The following AKAP6 variants were observed in gnomAD, a reference collection of about 807,000 sequenced individuals.
AKAP6 encodes A-kinase anchoring protein 6.
In AKAP6, 58 loss-of-function variants were observed where a neutral mutation model predicts 188.5. That is an observed-to-expected ratio of 0.31 (90% CI 0.25 to 0.38). The LOEUF is 0.38. Among genes scored for constraint, AKAP6 ranks in the 10% least tolerant of loss-of-function variants. The pLI is 1.00. For synonymous variants in AKAP6, 989 were observed against 998.6 expected, an observed-to-expected ratio of 0.99 and a Z score of 0.18; for missense variants, 2,710 against 2,740.0, an observed-to-expected ratio of 0.99 and a Z score of 0.24.
At chr14:32,757,744 C>T (rs1367397566) in intron 11 of AKAP6, among the ~76,000 whole-genome samples, 13 of 152,182 alleles carry the variant, frequency 8.5e-5, no homozygotes. Context: ...GACAGTGAAA[C>T]ATGCAAGTTG....
rs1236562557 is a variant in AKAP6 at position 32,831,944 on chromosome 14, C to T, written c.*2139C>T. On this transcript the variant is annotated 3_prime_UTR_variant, in exon 14 of 14. Transcript: ENST00000280979. ...ACCTGATTTTATTTATCATTAGTGC[C>T]ACGCCAAGATCATTTAGACGATGCT... The T allele has an allele frequency of 6.6e-6, 1 of 152,110 alleles. No homozygotes were observed. The highest frequency in any genetic ancestry group is 1.5e-5 in the Non-Finnish European group (1 of 68,032). 9.4% of individuals were successfully genotyped at this position (152,110 alleles called of 1,614,324 possible).
intron 7 of AKAP6, among the ~76,000 whole-genome samples, chr14:32,608,016 G>T (rs1267536151): frequency 6.6e-6 from 1 of 152,008 alleles, no homozygotes; most frequent in East Asian, 1.9e-4. Context: ...GTTTGTTATC[G>T]AATCCAATAG....
intron 7 of AKAP6, among the ~76,000 whole-genome samples, chr14:32,660,925 C>CA (rs1491272831): frequency 2.5e-5 from 1 of 39,432 alleles, no homozygotes; most frequent in Non-Finnish European, 4.4e-5. Flanking sequence ...TTCCCCGCCA[C>CA]CCCCCCCCCT....
intron 12 of AKAP6, among the ~76,000 whole-genome samples, chr14:32,790,534 C>T (rs190086853): frequency 3.2e-4 from 48 of 152,250 alleles, no homozygotes; most frequent in African/African-American, 1.1e-3. Flanking sequence ...TCAACAGAAA[C>T]CCTACAAGTC....
intron 11 of AKAP6, among the ~76,000 whole-genome samples, chr14:32,763,976 T>C (rs1328618317): frequency 6.6e-6 from 1 of 152,200 alleles, no homozygotes; most frequent in Non-Finnish European, 1.5e-5. Context: ...TTTGCAACAT[T>C]TATATGCAAG....
chr14:32,511,440 A>G (rs1422137734), intron 2 of AKAP6, among the ~76,000 whole-genome samples: 2 of 138,544 alleles, frequency 1.4e-5, no homozygotes, highest in South Asian at 2.3e-4. Context: ...GCAGTGGTGG[A>G]TCTCAGCTCA....
Position 32,492,355 on chromosome 14 carries a change from T to TATATATATATATATATAGAG in AKAP6, c.325-43198_325-43197insTATATATATATATATAGAGA. Among the ~76,000 whole-genome samples, 526 of 82,534 alleles carry TATATATATATATATATAGAG rather than the reference T, an allele frequency of 6.4e-3. 9 individuals are homozygous for TATATATATATATATATAGAG. Among genetic ancestry groups the TATATATATATATATATAGAG allele is most frequent in the East Asian group, 9.8e-3 (15 of 1,526 alleles). The allele number at this position is 82,534 out of a possible 152,430, so 54.1% of individuals were successfully genotyped here. ...ACATTGTAATATATATATATATATATAGAGAGAGAGAGAGAGAGAGAGAGA... is the reference window on the plus strand; with the variant it reads ...ACATTGTAATATATATATATATATATATATATATATATATATAGAGAGAGAGAGAGAGAGAGAGAGAGAGA... On this transcript the variant is annotated intron_variant, in intron 2 of 13. Transcript: ENST00000280979.
chr14:32,420,602 G>C (rs1889809078), intron 1 of AKAP6, among the ~76,000 whole-genome samples: 2 of 152,040 alleles, frequency 1.3e-5, no homozygotes, highest in Non-Finnish European at 1.5e-5. Flanking sequence ...TTTATCTCCA[G>C]TTCAACCCCC....
At position 32,724,990 on chromosome 14, in the gene AKAP6, T is replaced by TAAAAAAGAAA. The variant is rs2030771324; in HGVS notation, c.3001-7458_3001-7457insGAAAAAAAAA. Among the ~76,000 whole-genome samples the TAAAAAAGAAA allele has an allele frequency of 8.6e-5, 3 of 34,900 alleles. No individual in the cohort carries two copies. In the East Asian group the frequency reaches 2.4e-3, roughly 28 times the overall value. 22.9% of individuals were successfully genotyped at this position (34,900 alleles called of 152,430 possible). On this transcript the variant is annotated intron_variant, in intron 9 of 13. Coordinates refer to ENST00000280979, the MANE Select transcript of AKAP6 (RefSeq NM_004274.5). Reference sequence around the variant, plus strand: ...GGCTTTGTGTCATTTATATTCAACCTAAAAAAAAAAAAAAAAAAAAAAAAA... The same window carrying TAAAAAAGAAA: ...GGCTTTGTGTCATTTATATTCAACCTAAAAAAGAAAAAAAAAAAAAAAAAAAAAAAAAAAA...
At position 32,822,920 on chromosome 14, in the gene AKAP6, G is replaced by A. The variant is rs2034569663; in HGVS notation, c.5107G>A (p.Asp1703Asn). ...TGACGAGCTCTCTCTTTGCTCAGAG[G>A]ATATTGTGTTACACAAGAACAAGAT... is the stretch of plus-strand genomic sequence containing the variant. ...SSDELSLCSE[D>N]IVLHKNKIPE... Residue 1703 changes from aspartate to asparagine, a missense_variant, in exon 13 of 14, where the codon GAT (aspartate) becomes AAT (asparagine). This residue lies in a region of AKAP6 where 2,473 missense variants were observed against 2,426.1 expected (regional missense o/e 1.02). Transcript: ENST00000280979. 2 of 1,613,842 alleles carry A rather than the reference G, an allele frequency of 1.2e-6. 1 individual carries two copies. Among genetic ancestry groups the A allele is most frequent in the Admixed American group, 3.3e-5 (2 of 59,952 alleles).
intron 11 of AKAP6, among the ~76,000 whole-genome samples, chr14:32,755,264 T>C (rs1045298078): frequency 1.3e-5 from 2 of 152,044 alleles, no homozygotes; most frequent in African/African-American, 2.4e-5. Context: ...GTTTTTTTTC[T>C]TCTTCTTGAG....
chr14:32,722,492 A>C (rs1420289359), intron 9 of AKAP6, among the ~76,000 whole-genome samples: 1 of 152,120 alleles, frequency 6.6e-6, no homozygotes, highest in Admixed American at 6.5e-5. Flanking sequence ...GAGAACATGC[A>C]TTCCTGTTTT....
intron 2 of AKAP6, among the ~76,000 whole-genome samples, chr14:32,478,430 G>T (rs1179433231): frequency 6.6e-6 from 1 of 152,216 alleles, no homozygotes; most frequent in Non-Finnish European, 1.5e-5. Context: ...GAGTCAAGAT[G>T]TGAAGCAGCA....
chr14:32,745,819 TTGA>T (rs2031885004), intron 11 of AKAP6, among the ~76,000 whole-genome samples: 3 of 152,074 alleles, frequency 2.0e-5, no homozygotes, highest in African/African-American at 7.2e-5. Context: ...GGGACTAGAG[TTGA>T]AAGCCTTAGA....
At chr14:32,768,965 A>G (rs2032802428) in intron 11 of AKAP6, among the ~76,000 whole-genome samples, 1 of 151,540 alleles carries the variant, frequency 6.6e-6, no homozygotes, top group Admixed American at 6.6e-5. Context: ...TAGGTAGCAG[A>G]CAAAGAGGAG....
At chr14:32,651,051 G>A (rs1888201867) in intron 7 of AKAP6, among the ~76,000 whole-genome samples, 1 of 152,146 alleles carries the variant, frequency 6.6e-6, no homozygotes, top group Admixed American at 6.6e-5. Context: ...ACTAGAGATT[G>A]TGTTGCAAGA....
intron 1 of AKAP6, among the ~76,000 whole-genome samples, chr14:32,347,272 C>G (rs1442241304): frequency 6.6e-6 from 1 of 152,152 alleles, no homozygotes; most frequent in Admixed American, 6.5e-5. Context: ...TTTTTTCTTA[C>G]ACATGTTTCT....
intron 7 of AKAP6, among the ~76,000 whole-genome samples, chr14:32,674,325 G>T (rs1889339353): frequency 6.6e-6 from 1 of 152,118 alleles, no homozygotes; most frequent in African/African-American, 2.4e-5. Flanking sequence ...GTTTTATAAA[G>T]ACTACTTTGG....
chr14:32,736,086 T>C (rs781475064), intron 11 of AKAP6, among the ~76,000 whole-genome samples: 10 of 152,168 alleles, frequency 6.6e-5, no homozygotes, highest in Non-Finnish European at 1.3e-4. Flanking sequence ...ATATACATTG[T>C]AGAGGGGAAA....
Sources: allele counts gnomAD v4.1 joint callset (sites outside exome capture counted in the v4.1 genomes callset), GRCh38; gene constraint gnomAD v4.1.1; regional missense constraint gnomAD v4.1.1; transcripts MANE v1.5; gene names NCBI Gene and HGNC (gene_info 2026-07-23, HGNC 2026-07-21).